The following MPPED2 variants were observed in gnomAD, a reference collection of about 807,000 sequenced individuals.
MPPED2 encodes the protein metallophosphoesterase domain containing 2.
MPPED2 carries 5 observed loss-of-function variants against 33.0 expected under a neutral mutation model. That is an observed-to-expected ratio of 0.15 (90% confidence interval 0.08 to 0.32). MPPED2 has a LOEUF of 0.32. MPPED2 is among the 10% of genes least tolerant of loss of function. MPPED2 has a pLI of 1.00. For synonymous variants in MPPED2, 136 were observed against 141.9 expected (o/e 0.96, Z 0.29); for missense variants, 275 against 372.1 (o/e 0.74, Z 2.15).
downstream of MPPED2, chr11:30,410,164 C>A (rs901931243): frequency 2.0e-6 from 2 of 985,382 alleles, no homozygotes; most frequent in African/African-American, 3.5e-5. Context: ...ATGAATAAAT[C>A]CCTCCTTCCC....
intron 4 of MPPED2, among the ~76,000 whole-genome samples, chr11:30,423,758 A>C (rs749484207): frequency 9.2e-5 from 14 of 152,302 alleles, no homozygotes; most frequent in Non-Finnish European, 1.9e-4. Flanking sequence ...TACAGCTTTT[A>C]ATTTACATAT....
chr11:30,414,196 A>G, intron 6 of MPPED2, 32 bp downstream of exon 6: 1 of 1,504,136 alleles, frequency 6.6e-7, no homozygotes, highest in Non-Finnish European at 9.3e-7. Flanking sequence ...CAGGGGCACA[A>G]AATGTTTTGA....
intron 4 of MPPED2, among the ~76,000 whole-genome samples, chr11:30,423,313 A>G (rs1416859403): frequency 2.0e-5 from 3 of 152,196 alleles, no homozygotes; most frequent in Non-Finnish European, 2.9e-5. Flanking sequence ...CAACGTCCAC[A>G]AATTTTCAAT....
intron 3 of MPPED2, among the ~76,000 whole-genome samples, chr11:30,523,793 G>A (rs768945193): frequency 6.6e-6 from 1 of 151,676 alleles, no homozygotes; most frequent in African/African-American, 2.4e-5. Context: ...AGCATTCAGC[G>A]GAGGAAAACT....
chr11:30,507,059 A>G (rs992399378), intron 3 of MPPED2, among the ~76,000 whole-genome samples: 2 of 152,250 alleles, frequency 1.3e-5, no homozygotes, highest in Non-Finnish European at 2.9e-5. Flanking sequence ...CTCAAAATCT[A>G]ATAAGAAAAA....
intron 4 of MPPED2, among the ~76,000 whole-genome samples, chr11:30,466,917 C>G (rs1287834235): frequency 6.6e-6 from 1 of 152,144 alleles, no homozygotes; most frequent in Non-Finnish European, 1.5e-5. Context: ...GAACACACTT[C>G]TGAGCCTCTG....
intron 4 of MPPED2, among the ~76,000 whole-genome samples, chr11:30,447,558 G>T (rs891854085): frequency 2.0e-5 from 3 of 152,132 alleles, no homozygotes; most frequent in African/African-American, 7.2e-5. Context: ...ATAAAGTGTG[G>T]GGTGTCAAGA....
At chr11:30,555,024 G>C (rs1477027047) in intron 2 of MPPED2, among the ~76,000 whole-genome samples, 1 of 152,138 alleles carries the variant, frequency 6.6e-6, no homozygotes, top group East Asian at 1.9e-4. Flanking sequence ...CAGATGCCAT[G>C]GTATATGAAA....
At chr11:30,563,787 A>C (rs892462796) in intron 2 of MPPED2, among the ~76,000 whole-genome samples, 2 of 152,248 alleles carry the variant, frequency 1.3e-5, no homozygotes, top group South Asian at 4.1e-4. Context: ...GACAAGGCAG[A>C]GGATTCAAGA....
At chr11:30,477,951 C>T (rs912902878) in intron 4 of MPPED2, among the ~76,000 whole-genome samples, 8 of 151,688 alleles carry the variant, frequency 5.3e-5, no homozygotes, top group Admixed American at 5.3e-4. Flanking sequence ...CTTTTTTTCC[C>T]CTAGGATTCC....
At chr11:30,505,028 G>A (rs1952756484) in intron 3 of MPPED2, among the ~76,000 whole-genome samples, 1 of 152,024 alleles carries the variant, frequency 6.6e-6, no homozygotes, top group African/African-American at 2.4e-5. Flanking sequence ...AAGGCACCAG[G>A]AGATGTGATA....
chr11:30,528,156 C>G (rs2134426292), intron 3 of MPPED2, among the ~76,000 whole-genome samples: 1 of 151,030 alleles, frequency 6.6e-6, no homozygotes, highest in Non-Finnish European at 1.5e-5. Flanking sequence ...CACACACATG[C>G]ACATCTACCA....
intron 4 of MPPED2, among the ~76,000 whole-genome samples, chr11:30,490,236 C>T (rs1428550770): frequency 1.3e-5 from 2 of 152,066 alleles, no homozygotes; most frequent in Admixed American, 6.6e-5. Flanking sequence ...TTTAGGTATG[C>T]AAGCAATCCA....
intron 1 of MPPED2, among the ~76,000 whole-genome samples, chr11:30,581,138 T>C (rs1000266773): frequency 6.6e-6 from 1 of 152,120 alleles, no homozygotes. Flanking sequence ...GTAGTGTCAT[T>C]TTTTTCAACA....
intron 3 of MPPED2, among the ~76,000 whole-genome samples, chr11:30,531,905 C>T (rs1037511281): frequency 5.5e-4 from 84 of 152,160 alleles, no homozygotes; most frequent in African/African-American, 2.0e-3. Flanking sequence ...TGGTTTTACC[C>T]AGGATGTAGT....
At chr11:30,435,449 G>A (rs1949281075) in intron 4 of MPPED2, among the ~76,000 whole-genome samples, 1 of 152,184 alleles carries the variant, frequency 6.6e-6, no homozygotes, top group Non-Finnish European at 1.5e-5. Context: ...ACCAGTGGCA[G>A]TGACACTCGA....
At chr11:30,477,893 T>G (rs1225527907) in intron 4 of MPPED2, among the ~76,000 whole-genome samples, 1 of 152,128 alleles carries the variant, frequency 6.6e-6, no homozygotes, top group Non-Finnish European at 1.5e-5. Flanking sequence ...TCCAGAGACT[T>G]TGTAGAATAT....
intron 4 of MPPED2, among the ~76,000 whole-genome samples, chr11:30,478,369 G>GA (rs1047400205): frequency 4.6e-5 from 7 of 151,828 alleles, no homozygotes; most frequent in East Asian, 1.9e-4. Flanking sequence ...GCAAAAGAAT[G>GA]AAAAAAACAA....
chr11:30,486,496 C>T (rs1381158940), intron 4 of MPPED2, among the ~76,000 whole-genome samples: 2 of 152,176 alleles, frequency 1.3e-5, no homozygotes, highest in Non-Finnish European at 2.9e-5. Context: ...TCCGACCAAT[C>T]TCAAACTTGA....
Sources: gnomAD v4.1 joint callset for allele counts (sites outside exome capture counted in the v4.1 genomes callset) on GRCh38, gnomAD v4.1.1 for gene constraint, MANE v1.5 for transcripts, NCBI Gene and HGNC (gene_info 2026-07-23, HGNC 2026-07-21) for gene names.